The following HELZ variants were observed in gnomAD, a reference collection of about 807,000 sequenced individuals.
HELZ encodes helicase with zinc finger.
In HELZ, 23 loss-of-function variants were observed where a neutral mutation model predicts 218.2. The observed-to-expected ratio is 0.11, with a 90% CI of 0.08 to 0.15. The LOEUF (loss-of-function observed/expected upper bound fraction) is 0.15, where lower values mean the gene tolerates loss of function less well. HELZ is among the 10% of genes least tolerant of loss of function. The pLI is 1.00. For synonymous variants in HELZ, 814 were observed against 829.4 expected (o/e 0.98, Z 0.32); for missense variants, 1,813 against 2,353.7 (o/e 0.77, Z 4.75).
chr17:67,106,315 ATTTT>A (rs561621541), intron 31 of HELZ, among the ~76,000 whole-genome samples: 27 of 131,780 alleles, frequency 2.0e-4, no homozygotes, highest in Non-Finnish European at 3.7e-4. Context: ...TTATTTATTT[ATTTT>A]TTTTTTTGAG....
chr17:67,101,661 C>A (rs1469258345), intron 31 of HELZ, among the ~76,000 whole-genome samples: 1 of 152,168 alleles, frequency 6.6e-6, no homozygotes, highest in Non-Finnish European at 1.5e-5. Flanking sequence ...CTTTTGGAAG[C>A]TCAGAGGTCA....
At chr17:67,086,611 T>C (rs1029846980) in intron 32 of HELZ, among the ~76,000 whole-genome samples, 11 of 97,350 alleles carry the variant, frequency 1.1e-4, no homozygotes, top group African/African-American at 4.8e-4. Flanking sequence ...AATATATATA[T>C]ATAAATAAAT....
chr17:67,160,178 A>C (rs758250854), intron 17 of HELZ, 83 bp downstream of exon 17: 60 of 820,780 alleles, frequency 7.3e-5, no homozygotes, highest in Non-Finnish European at 1.2e-4. Flanking sequence ...GGTATTTCCA[A>C]AGTTACTAAA....
At chr17:67,224,079 C>T (rs1366015779) in intron 3 of HELZ, among the ~76,000 whole-genome samples, 11 of 152,206 alleles carry the variant, frequency 7.2e-5, no homozygotes, top group Admixed American at 7.2e-4. Context: ...AGAGCTAACT[C>T]CACCAGGGAT....
chr17:67,140,472 T>C lies in HELZ; in HGVS notation c.2770-2358A>G, dbSNP rs541736813. Among the ~76,000 whole-genome samples, 13 of 152,318 alleles carry C rather than the reference T, an allele frequency of 8.5e-5. No individual in the cohort carries two copies. The South Asian group carries it at 2.7e-3, about 32-fold the overall frequency. On this transcript the variant is annotated intron_variant, in intron 21 of 32. Transcript: ENST00000358691. The stretch of plus-strand genomic sequence containing the variant: ...AAAATTTATTGCCAGGAGTCAATTG[T>C]AGATTTGAAATAACAGAAGCATGAA...
At chr17:67,115,864 C>T (rs1163178069) in intron 27 of HELZ, among the ~76,000 whole-genome samples, 3 of 152,002 alleles carry the variant, frequency 2.0e-5, no homozygotes, top group African/African-American at 7.2e-5. Flanking sequence ...CGTCAATATA[C>T]AGAAAGAAAA....
At chr17:67,118,192 A>G (rs536205287) in intron 27 of HELZ, among the ~76,000 whole-genome samples, 5 of 152,396 alleles carry the variant, frequency 3.3e-5, no homozygotes, top group Non-Finnish European at 7.3e-5. Context: ...ATGCATTAAT[A>G]AAAAGTATCC....
At chr17:67,170,794 T>A (rs929423324) in intron 13 of HELZ, among the ~76,000 whole-genome samples, 2 of 146,644 alleles carry the variant, frequency 1.4e-5, no homozygotes, top group African/African-American at 5.0e-5. Flanking sequence ...GACACCGCAC[T>A]CCAGCCTCAG....
chr17:67,149,880 C>A lies in HELZ; in HGVS notation c.2462G>T (p.Gly821Val). Residue 821 changes from glycine (G) to valine (V), a missense_variant, in exon 19 of 33, where the codon GGT becomes GTT. Transcript: ENST00000358691. The part of the protein sequence containing the change: ...ATQNTRIVLA[G>V]DHMQLSPFVY... ...GAGGGCACTTACCTGCATGTGATCA[C>A]CAGCCAAGACAATCCGAGTGTTTTG... 1 of 1,604,716 alleles carries A rather than the reference C, an allele frequency of 6.2e-7. No individual in the cohort carries two copies. Among genetic ancestry groups the A allele is most frequent in the Non-Finnish European group, 8.5e-7 (1 of 1,174,438 alleles).
At chr17:67,085,592 A>C (rs1437521701) in intron 32 of HELZ, among the ~76,000 whole-genome samples, 2 of 152,150 alleles carry the variant, frequency 1.3e-5, no homozygotes, top group Non-Finnish European at 2.9e-5. Context: ...TATTGTTCTA[A>C]AAATATGCTA....
rs2035920452 is a variant in HELZ, at chr17:67,072,627, A to C, written c.*5625T>G. The C allele has an allele frequency of 1.3e-5, 2 of 152,286 alleles. No individual in the cohort carries two copies. The highest frequency in any genetic ancestry group is 4.8e-5 in the African/African-American group (2 of 41,426). The allele number at this position is 152,286 out of a possible 1,614,324, so 9.4% of individuals were successfully genotyped here. On this transcript the variant is annotated 3_prime_UTR_variant, in exon 33 of 33. Transcript: ENST00000358691. ...TAAAACCAAAGAGCTCCTTCACCCTACTGCGGAAGAGCAGTGCAGACCCCA... is the reference window on the plus strand; with the variant it reads ...TAAAACCAAAGAGCTCCTTCACCCTCCTGCGGAAGAGCAGTGCAGACCCCA...
intron 31 of HELZ, among the ~76,000 whole-genome samples, chr17:67,104,059 T>C (rs2037013747): frequency 2.0e-5 from 3 of 152,160 alleles, no homozygotes; most frequent in Admixed American, 1.3e-4. Context: ...ATGAATTTGA[T>C]ACCCACCTCA....
chr17:67,104,642 T>C (rs2037041956), intron 31 of HELZ, among the ~76,000 whole-genome samples: 1 of 151,972 alleles, frequency 6.6e-6, no homozygotes, highest in African/African-American at 2.4e-5. Context: ...GCAAATCATA[T>C]ATGAGATTAA....
In HELZ at chr17:67,205,324, C is replaced by CA. The variant is rs750485034; in HGVS notation, c.248-1882dup. 4.4e-3 allele frequency among the ~76,000 whole-genome samples: 523 copies of CA among 120,088 alleles called. 1 individual carries two copies. Among genetic ancestry groups the CA allele is most frequent in the Non-Finnish European group, 4.4e-3 (244 of 55,910 alleles). The allele number at this position is 120,088 out of a possible 152,430, so 78.8% of individuals were successfully genotyped here. On this transcript the variant is annotated intron_variant, in intron 5 of 32. Transcript: ENST00000358691. ...CTGGGGGACAAGAGCGAAACTGTCT[C>CA]AAAAAAAAAAAAAAATTGCTCTGAA... is the stretch of plus-strand genomic sequence containing the variant.
intron 19 of HELZ, among the ~76,000 whole-genome samples, chr17:67,149,088 G>A (rs1421441012): frequency 6.6e-6 from 1 of 152,028 alleles, no homozygotes; most frequent in Non-Finnish European, 1.5e-5. Context: ...ATGATGAGCT[G>A]GTAGGACATA....
chr17:67,200,725 G>C (rs796364232), intron 7 of HELZ: 1 of 172,980 alleles, frequency 5.8e-6, no homozygotes, highest in African/African-American at 2.4e-5. Flanking sequence ...GTAACAGAGC[G>C]AGACCCTGTC....
chr17:67,128,323 A>T (rs2037867139), intron 24 of HELZ, among the ~76,000 whole-genome samples: 1 of 152,194 alleles, frequency 6.6e-6, no homozygotes, highest in South Asian at 2.1e-4. Context: ...TAAGTGTGAT[A>T]ATCTTTTAAA....
At chr17:67,164,499 G>A (rs2039081933) in intron 15 of HELZ, among the ~76,000 whole-genome samples, 1 of 152,092 alleles carries the variant, frequency 6.6e-6, no homozygotes, top group African/African-American at 2.4e-5. Context: ...TATCAGTTCT[G>A]CAAGACGAAA....
intron 31 of HELZ, among the ~76,000 whole-genome samples, chr17:67,097,440 T>C (rs956764919): frequency 1.3e-5 from 2 of 152,154 alleles, no homozygotes; most frequent in Non-Finnish European, 2.9e-5. Flanking sequence ...AAATGTGACT[T>C]TGCAACACAG....
Sources: allele counts gnomAD v4.1 joint callset (sites outside exome capture counted in the v4.1 genomes callset), GRCh38; gene constraint gnomAD v4.1.1; transcripts MANE v1.5; gene names NCBI Gene and HGNC (gene_info 2026-07-23, HGNC 2026-07-21).